Variants in MTCL1 observed in about 807,000 individuals in gnomAD.
MTCL1 encodes the protein microtubule crosslinking factor 1.
Under a neutral mutation model 141.4 loss-of-function variants are expected in MTCL1, and 79 were observed. The ratio of observed to expected loss-of-function variants is 0.56; its 90% CI spans 0.47 to 0.67. The LOEUF (loss-of-function observed/expected upper bound fraction) is 0.67, where lower values mean the gene tolerates loss of function less well. MTCL1 is among the 30% of genes least tolerant of loss of function. The pLI is 0.00. For synonymous variants in MTCL1, 914 were observed against 875.8 expected, an observed-to-expected ratio of 1.04 and a Z score of -0.77; for missense variants, 2,177 against 2,113.9, an observed-to-expected ratio of 1.03 and a Z score of -0.59.
chr18:8,705,724 C>A lies in MTCL1; in HGVS notation c.64C>A (p.Gln22Lys). ...GGACGCGAAGCTGCAGCCGCCCGGC[C>A]AGCACCACCGCCACCACCACCTCCA... Residue 22 changes from glutamine (Q) to lysine (K), a missense_variant, in exon 1 of 14, where the codon CAG (glutamine) becomes AAG (lysine). Gln to Lys is a moderately conservative substitution (Grantham distance 53). Coordinates refer to the MTCL1 transcript ENST00000306329. This position sits in a 1 kb window ranked among gnomAD's most constrained non-coding sequence, Gnocchi z 5.2. The A allele has an allele frequency of 8.3e-7, 1 of 1,205,652 alleles. No individual in the cohort carries two copies. Among genetic ancestry groups the A allele is most frequent in the Non-Finnish European group, 1.0e-6 (1 of 970,860 alleles). The allele number at this position is 1,205,652 out of a possible 1,614,324, so 74.7% of individuals were successfully genotyped here.
rs1388686393 is a variant in MTCL1, at chr18:8,755,276, G to A, written c.358-22557G>A. On this transcript the variant is annotated intron_variant, in intron 4 of 16. Transcript: ENST00000359865. ...GGTCGCAGGTGCTATTTGGGATGTCGTTTGTTGCTTTTGTTGTTTTAACCG... is the reference window on the plus strand; with the variant it reads ...GGTCGCAGGTGCTATTTGGGATGTCATTTGTTGCTTTTGTTGTTTTAACCG... Among the ~76,000 whole-genome samples, 11 of 152,182 alleles carry A rather than the reference G, an allele frequency of 7.2e-5. No individual in the cohort carries two copies. In the East Asian group the frequency reaches 1.3e-3, roughly 19 times the overall value.
At chr18:8,728,808 C>T (rs1337738728) in intron 4 of MTCL1, among the ~76,000 whole-genome samples, 3 of 134,338 alleles carry the variant, frequency 2.2e-5, no homozygotes, top group African/African-American at 5.6e-5. Context: ...GATCTCGGCT[C>T]GCTGCAACCT....
chr18:8,712,664 A>G (rs2096101066), upstream of MTCL1, among the ~76,000 whole-genome samples: 1 of 152,214 alleles, frequency 6.6e-6, no homozygotes, highest in African/African-American at 2.4e-5. Flanking sequence ...AATGTAGACA[A>G]GGGCTGCGGC....
rs1022976667 is a variant in MTCL1 at position 8,821,611 on chromosome 18, T to C, written c.3188+113T>C. The C allele has an allele frequency of 7.3e-6, 4 of 544,430 alleles. No individual in the cohort carries two copies. The South Asian group carries it at 9.3e-5, about 13-fold the overall frequency. The allele number at this position is 544,430 out of a possible 1,614,324, so 33.7% of individuals were successfully genotyped here. A position where few individuals can be genotyped will look rare whatever the true frequency, so the allele number is the denominator to read the frequency against. On this transcript the variant is annotated intron_variant, in intron 14 of 16. Transcript: ENST00000359865. ...CACTCTCTTCAAAATGACTTAAAAT[T>C]ATGCCACTTCTGAAGAAGTGGCTGC... is the stretch of plus-strand genomic sequence containing the variant.
At chr18:8,777,348 T>C (rs1325255441) in intron 4 of MTCL1, among the ~76,000 whole-genome samples, 2 of 152,244 alleles carry the variant, frequency 1.3e-5, no homozygotes, top group African/African-American at 4.8e-5. Context: ...CCCGCCTTGG[T>C]ATCCCAAAGC....
At chr18:8,812,906 A>T in intron 11 of MTCL1, 73 bp from the exon 11 acceptor site, 1 of 1,535,742 alleles carries the variant, frequency 6.5e-7, no homozygotes, top group East Asian at 2.3e-5. Context: ...ATCACATGTA[A>T]ATGTGCTGAG....
chr18:8,803,673 C>G (rs575719237), intron 10 of MTCL1, among the ~76,000 whole-genome samples: 6 of 152,328 alleles, frequency 3.9e-5, no homozygotes, highest in African/African-American at 1.2e-4. Context: ...CTCTCTTGCT[C>G]CCTTTGGCCA....
chr18:8,780,693 T>C (rs2096529818), intron 5 of MTCL1, among the ~76,000 whole-genome samples: 1 of 152,204 alleles, frequency 6.6e-6, no homozygotes, highest in Admixed American at 6.5e-5. Flanking sequence ...CTCCATTCCT[T>C]CATGGGAACA....
chr18:8,719,836 C>T (rs1598383114), intron 3 of MTCL1, among the ~76,000 whole-genome samples: 1 of 152,242 alleles, frequency 6.6e-6, no homozygotes, highest in East Asian at 1.9e-4. Flanking sequence ...TCCCAAAGTG[C>T]TGGGATTACA....
intron 4 of MTCL1, among the ~76,000 whole-genome samples, chr18:8,752,581 A>G (rs927926483): frequency 3.9e-5 from 6 of 152,206 alleles, no homozygotes; most frequent in African/African-American, 7.2e-5. Context: ...TTTGTATGCT[A>G]CAGACCCACA....
At chr18:8,761,237 G>T (rs1232834019) in intron 4 of MTCL1, among the ~76,000 whole-genome samples, 3 of 152,200 alleles carry the variant, frequency 2.0e-5, no homozygotes, top group Non-Finnish European at 2.9e-5. Flanking sequence ...ATTGCACAGT[G>T]ATGCCCAAAA....
chr18:8,747,999 G>C (rs1042693114), intron 4 of MTCL1, among the ~76,000 whole-genome samples: 25 of 152,122 alleles, frequency 1.6e-4, no homozygotes, highest in Non-Finnish European at 7.3e-5. Flanking sequence ...CCTAAGCTCT[G>C]TGTCCTACCT....
chr18:8,781,283 T>C (rs1476710246), intron 5 of MTCL1, among the ~76,000 whole-genome samples: 2 of 151,402 alleles, frequency 1.3e-5, no homozygotes, highest in African/African-American at 4.9e-5. Context: ...TTACAGCCCA[T>C]GTATTCTGTG....
At chr18:8,726,670 G>C (rs1434142173) in intron 4 of MTCL1, among the ~76,000 whole-genome samples, 1 of 152,142 alleles carries the variant, frequency 6.6e-6, no homozygotes, top group East Asian at 1.9e-4. Flanking sequence ...ATGAATTTGG[G>C]GGAGGGCATA....
chr18:8,742,631 G>A (rs189127861), intron 4 of MTCL1, among the ~76,000 whole-genome samples: 36 of 152,284 alleles, frequency 2.4e-4, no homozygotes, highest in Non-Finnish European at 4.7e-4. Flanking sequence ...GACACGTGGG[G>A]ATCATTACAA....
chr18:8,827,175 AGAG>A (rs1392510791), intron 15 of MTCL1, among the ~76,000 whole-genome samples: 2 of 152,218 alleles, frequency 1.3e-5, no homozygotes, highest in Non-Finnish European at 2.9e-5. Flanking sequence ...GGCGGGGGTC[AGAG>A]GAGGAGGAGG....
In MTCL1 at chr18:8,814,321, C is replaced by T. The variant is rs368778601; in HGVS notation, c.2859+1088C>T. 4.6e-5 allele frequency among the ~76,000 whole-genome samples: 7 copies of T among 152,016 alleles called. No homozygotes were observed. The East Asian group carries it at 5.8e-4, about 13-fold the overall frequency. Reference sequence around the variant, plus strand: ...GATCCCCACTGCATTCCAGCCTGGGCGACAGACCGAGACCCCGTCTCCAAA... The same window carrying T: ...GATCCCCACTGCATTCCAGCCTGGGTGACAGACCGAGACCCCGTCTCCAAA... On this transcript the variant is annotated intron_variant, in intron 12 of 16. Coordinates refer to ENST00000359865, the Ensembl canonical transcript of MTCL1.
intron 10 of MTCL1, among the ~76,000 whole-genome samples, chr18:8,805,072 A>G (rs2076248823): frequency 6.7e-6 from 1 of 148,466 alleles, no homozygotes; most frequent in Admixed American, 6.7e-5. Flanking sequence ...ATATTAAAGA[A>G]TTTCTCTTTT....
chr18:8,774,252 G>A lies in MTCL1; in HGVS notation c.358-3581G>A, dbSNP rs2096496182. ...ACAAACACATACACACACTCTTTTC[G>A]AATGTGTGTGTGTGTGTGTGTGTAT... On this transcript the variant is annotated intron_variant, in intron 4 of 16. Transcript: ENST00000359865. Among the ~76,000 whole-genome samples the A allele has an allele frequency of 2.8e-5, 4 of 141,822 alleles. No homozygotes were observed. The South Asian group carries it at 7.2e-4, about 26-fold the overall frequency. The allele number at this position is 141,822 out of a possible 152,430, so 93.0% of individuals were successfully genotyped here.
Sources: gnomAD v4.1 joint callset for allele counts (sites outside exome capture counted in the v4.1 genomes callset) on GRCh38, gnomAD v4.1.1 for gene constraint, Gnocchi (gnomAD v3.1) non-coding constraint, MANE v1.5 for transcripts, NCBI Gene and HGNC (gene_info 2026-07-23, HGNC 2026-07-21) for gene names.